MYO6: variants seen among roughly 807,000 people sequenced by gnomAD.
MYO6 encodes the protein myosin VI.
MYO6 carries 74 observed loss-of-function variants against 178.7 expected under a neutral mutation model. That is an observed-to-expected ratio of 0.41 (90% CI 0.34 to 0.50). MYO6 has a LOEUF of 0.50. MYO6 is among the 20% of genes least tolerant of loss of function. The probability of loss-of-function intolerance (pLI) is 0.09; values close to 1 mark genes in which losing one functional copy is unlikely to be tolerated. For synonymous variants in MYO6, 477 were observed against 504.6 expected, an observed-to-expected ratio of 0.95 and a Z score of 0.73; for missense variants, 1,330 against 1,547.4, an observed-to-expected ratio of 0.86 and a Z score of 2.36.
intron 32 of MYO6, among the ~76,000 whole-genome samples, chr6:75,909,303 A>C (rs1297318642): frequency 6.6e-6 from 1 of 152,210 alleles, no homozygotes; most frequent in Non-Finnish European, 1.5e-5. Context: ...TGTTGCTCCC[A>C]GAATAGGGTT....
intron 1 of MYO6, among the ~76,000 whole-genome samples, chr6:75,774,728 T>C (rs975921874): frequency 1.3e-5 from 2 of 152,124 alleles, no homozygotes; most frequent in Non-Finnish European, 2.9e-5. Flanking sequence ...TTTTAATCCC[T>C]TCCCCCCACT....
At chr6:75,758,132 C>T (rs1777629568) in intron 1 of MYO6, among the ~76,000 whole-genome samples, 3 of 151,866 alleles carry the variant, frequency 2.0e-5, no homozygotes, top group African/African-American at 4.8e-5. Flanking sequence ...CACGTGCCAC[C>T]ATGCCCAGCC....
In MYO6 at chr6:75,915,153, G is replaced by A. The variant is rs1231266593; in HGVS notation, c.*141G>A. 1.5e-5 allele frequency: 14 copies of A among 910,256 alleles called. No individual in the cohort carries two copies. Among genetic ancestry groups the A allele is most frequent in the Non-Finnish European group, 2.4e-5 (14 of 591,248 alleles). The allele number at this position is 910,256 out of a possible 1,614,324, so 56.4% of individuals were successfully genotyped here. ...GATTTTATTAATCACGGCTTTTGGT[G>A]AATTTGTTTAAGGTTAATTATGGTA... On this transcript the variant is annotated 3_prime_UTR_variant, in exon 35 of 35. Coordinates refer to ENST00000369977, the MANE Select transcript of MYO6 (RefSeq NM_004999.4).
At chr6:75,782,467 G>A (rs1462805223) in intron 1 of MYO6, among the ~76,000 whole-genome samples, 5 of 152,064 alleles carry the variant, frequency 3.3e-5, no homozygotes, top group Admixed American at 3.3e-4. Context: ...ATTCTTTATA[G>A]CTGGTTAAAA....
intron 2 of MYO6, among the ~76,000 whole-genome samples, chr6:75,822,282 G>C (rs990297930): frequency 2.6e-5 from 4 of 151,986 alleles, no homozygotes; most frequent in African/African-American, 4.8e-5. Context: ...ATTTTTAGTA[G>C]AGACGGAGTT....
chr6:75,750,977 G>A (rs1413102450), intron 1 of MYO6, among the ~76,000 whole-genome samples: 2 of 152,178 alleles, frequency 1.3e-5, no homozygotes, highest in African/African-American at 2.4e-5. Flanking sequence ...TACAAAGGTT[G>A]GCGGCAAAAC....
intron 1 of MYO6, among the ~76,000 whole-genome samples, chr6:75,802,170 T>G (rs757881529): frequency 1.1e-4 from 16 of 151,972 alleles, no homozygotes; most frequent in Non-Finnish European, 2.1e-4. Context: ...ATGTTTACCT[T>G]TTAAAAATAT....
chr6:75,913,211 A>G (rs895490448), intron 33 of MYO6, among the ~76,000 whole-genome samples: 9 of 152,192 alleles, frequency 5.9e-5, no homozygotes, highest in African/African-American at 2.2e-4. Context: ...ATGTAAAGTC[A>G]TTGCCCCAGG....
intron 11 of MYO6, among the ~76,000 whole-genome samples, chr6:75,849,550 A>G (rs372540473): frequency 2.7e-4 from 41 of 152,290 alleles, no homozygotes; most frequent in African/African-American, 9.6e-4. Flanking sequence ...TAGCCATGCC[A>G]AAGAATTGGT....
intron 1 of MYO6, among the ~76,000 whole-genome samples, chr6:75,810,608 C>T (rs1036040413): frequency 6.6e-6 from 1 of 152,136 alleles, no homozygotes; most frequent in Admixed American, 6.5e-5. Flanking sequence ...AAGAGGGATC[C>T]CCATTCAGTT....
At chr6:75,873,911 A>G (rs968006246) in intron 20 of MYO6, among the ~76,000 whole-genome samples, 3 of 152,128 alleles carry the variant, frequency 2.0e-5, no homozygotes, top group African/African-American at 7.2e-5. Context: ...CTCAGGCACC[A>G]GGCTTGCTCT....
chr6:75,888,809 A>G (rs1450158702), intron 25 of MYO6, among the ~76,000 whole-genome samples: 3 of 152,100 alleles, frequency 2.0e-5, no homozygotes, highest in Non-Finnish European at 4.4e-5. Context: ...ATACTTGTCC[A>G]TGTTAATACA....
intron 33 of MYO6, among the ~76,000 whole-genome samples, chr6:75,912,577 C>G (rs925519398): frequency 6.6e-6 from 1 of 152,062 alleles, no homozygotes; most frequent in East Asian, 1.9e-4. Context: ...TTACAGGAGA[C>G]TTACTTCAAA....
At chr6:75,804,844 ACATATATATACACATATATATGCG>A in intron 1 of MYO6, among the ~76,000 whole-genome samples, 1 of 149,462 alleles carries the variant, frequency 6.7e-6, no homozygotes. Context: ...TAATACCCTA[ACATATATATACACATATATATGCG>A]CATATATATA....
At chr6:75,786,623 T>C (rs1278239523) in intron 1 of MYO6, among the ~76,000 whole-genome samples, 3 of 152,218 alleles carry the variant, frequency 2.0e-5, no homozygotes, top group Non-Finnish European at 4.4e-5. Context: ...TTTATTTTGC[T>C]CTTAATTTCA....
rs987840986 is a variant in MYO6, at chr6:75,890,353, T to C, written c.2867+88T>C. 9 of 1,571,342 alleles carry C rather than the reference T, an allele frequency of 5.7e-6. No individual in the cohort carries two copies. In the Admixed American group the frequency reaches 1.3e-4, roughly 22 times the overall value. On this transcript the variant is annotated intron_variant, in intron 26 of 34. Coordinates refer to ENST00000369977, the MANE Select transcript of MYO6 (RefSeq NM_004999.4). ...AGTGGTTAATGACAATTATTTGTTT[T>C]GTTTTGTTTTTGTGACAGGGTCTTG... is the stretch of plus-strand genomic sequence containing the variant.
rs115501917 is a variant in MYO6 at position 75,750,400 on chromosome 6, T to C, written c.-48+977T>C. Among the ~76,000 whole-genome samples the C allele has an allele frequency of 7.5e-3, 1,128 of 150,756 alleles. 13 individuals are homozygous for C. The highest frequency in any genetic ancestry group is 0.026 in the African/African-American group (1,078 of 41,106). ...GTGAGCCACTGCGCCTGGCCAAATA[T>C]TCTTTACATCTTACCTGGCATAAAG... On this transcript the variant is annotated intron_variant, in intron 1 of 34. Coordinates refer to ENST00000369977, the MANE Select transcript of MYO6 (RefSeq NM_004999.4).
At position 75,844,930 on chromosome 6, in the gene MYO6, A is replaced by G. The variant is rs747437108; in HGVS notation, c.850A>G (p.Asn284Asp). The change falls in exon 10 of 35, where the codon AAC (asparagine) becomes GAC (aspartate). Residue 284 changes from asparagine to aspartate, a missense_variant. Around this residue, in one of 3 missense-constraint regions of MYO6, gnomAD observed 613 missense variants for 816.8 expected, o/e 0.75. Transcript: ENST00000369977. ...CCGAGGCTGCACTAGATACTTTGCT[A>G]ACAAAGAAACTGACAAACAGATTTT... ...LNRGCTRYFA[N>D]KETDKQILQN... 1 of 1,613,432 alleles carries G rather than the reference A, an allele frequency of 6.2e-7. No homozygotes were observed. Among genetic ancestry groups the G allele is most frequent in the Non-Finnish European group, 8.5e-7 (1 of 1,179,544 alleles).
At chr6:75,898,013 A>G (rs1032666716) in intron 29 of MYO6, among the ~76,000 whole-genome samples, 2 of 152,212 alleles carry the variant, frequency 1.3e-5, no homozygotes, top group African/African-American at 2.4e-5. Context: ...CTCTGGTGCA[A>G]AAATCCTCAT....
Sources: gnomAD v4.1 joint callset for allele counts (sites outside exome capture counted in the v4.1 genomes callset) on GRCh38, gnomAD v4.1.1 for gene constraint, gnomAD v4.1.1 regional missense constraint, MANE v1.5 for transcripts, NCBI Gene and HGNC (gene_info 2026-07-23, HGNC 2026-07-21) for gene names.